SLC36A1: variants seen among roughly 807,000 people sequenced by gnomAD.
The protein encoded by SLC36A1 is proton-coupled amino acid transporter 1.
Under a neutral mutation model 47.5 loss-of-function variants are expected in SLC36A1, and 30 were observed. The ratio of observed to expected loss-of-function variants is 0.63; its 90% CI spans 0.47 to 0.86. SLC36A1 has a LOEUF of 0.86. Among genes scored for constraint, SLC36A1 ranks in the 40% least tolerant of loss-of-function variants. The pLI, the probability that SLC36A1 is intolerant of heterozygous loss-of-function variation, is 0.00. For missense variants in SLC36A1, 517 were observed against 606.0 expected, an observed-to-expected ratio of 0.85 and a Z score of 1.54; for synonymous variants, 255 against 249.7, an observed-to-expected ratio of 1.02 and a Z score of -0.20.
the SLC36A1 span, chr5:151,531,616 T>A: frequency 4.3e-6 from 7 of 1,613,022 alleles, no homozygotes; most frequent in Non-Finnish European, 5.9e-6. The surrounding 1 kb of genome is among the most constrained non-coding windows in gnomAD (Gnocchi z 5.7). Flanking sequence ...GAACCTGCCT[T>A]GCTCGTTCCC....
the SLC36A1 span, among the ~76,000 whole-genome samples, chr5:151,357,274 G>A: frequency 1.3e-5 from 2 of 152,218 alleles, no homozygotes; most frequent in East Asian, 1.9e-4. Flanking sequence ...TGTGATAATA[G>A]GTGGTAGGTA....
upstream of SLC36A1, among the ~76,000 whole-genome samples, chr5:151,434,033 C>T: frequency 6.6e-6 from 1 of 152,208 alleles, no homozygotes; most frequent in Non-Finnish European, 1.5e-5. Context: ...AGAATACCTC[C>T]AGCCCAGAAT....
At chr5:151,553,660 G>A in the SLC36A1 span, among the ~76,000 whole-genome samples, 1 of 152,208 alleles carries the variant, frequency 6.6e-6, no homozygotes, top group Non-Finnish European at 1.5e-5. Flanking sequence ...AAGACTTACT[G>A]TGTGCTACTT....
chr5:151,487,520 G>A (rs1398148661), intron 10 of SLC36A1, among the ~76,000 whole-genome samples: 3 of 152,174 alleles, frequency 2.0e-5, no homozygotes, highest in African/African-American at 4.8e-5. Flanking sequence ...TCCAGAAGGC[G>A]GGGTTTCTTT....
the SLC36A1 span, chr5:151,545,857 A>G: frequency 3.7e-6 from 6 of 1,614,256 alleles, no homozygotes; most frequent in African/African-American, 5.3e-5. Flanking sequence ...CTTTAAGAAC[A>G]TAGGAGCATT....
chr5:151,428,861 G>A, the SLC36A1 span, among the ~76,000 whole-genome samples: 2 of 152,224 alleles, frequency 1.3e-5, no homozygotes, highest in African/African-American at 4.8e-5. Context: ...TCGAACTCCT[G>A]ACTTCAGGTG....
chr5:151,467,377 C>A, intron 6 of SLC36A1, 94 bp downstream of exon 6: 1 of 848,554 alleles, frequency 1.2e-6, no homozygotes, highest in Non-Finnish European at 1.9e-6. Flanking sequence ...TTTTCCAAAT[C>A]AGCTTTTGTC....
At chr5:151,537,438 G>T in the SLC36A1 span, among the ~76,000 whole-genome samples, 83 of 88,064 alleles carry the variant, frequency 9.4e-4, 1 homozygote, top group Non-Finnish European at 1.3e-4. Context: ...GAGAGGAAAG[G>T]AGAGGGGAGG....
At chr5:151,390,330 C>A in the SLC36A1 span, among the ~76,000 whole-genome samples, 1 of 152,276 alleles carries the variant, frequency 6.6e-6, no homozygotes, top group South Asian at 2.1e-4. Flanking sequence ...GAGTAGATTG[C>A]AAAATTTTTC....
intron 1 of SLC36A1, among the ~76,000 whole-genome samples, chr5:151,452,858 A>G (rs1252030789): frequency 2.3e-5 from 3 of 131,308 alleles, no homozygotes; most frequent in Non-Finnish European, 3.2e-5. Context: ...CAACAGAGGG[A>G]GACACCATCT....
At chr5:151,526,088 T>C in the SLC36A1 span, 1 of 931,098 alleles carries the variant, frequency 1.1e-6, no homozygotes, top group Non-Finnish European at 1.7e-6. Context: ...AGATGGTGCC[T>C]GGACATCAAG....
the SLC36A1 span, among the ~76,000 whole-genome samples, chr5:151,385,478 G>C: frequency 2.6e-5 from 4 of 152,200 alleles, no homozygotes; most frequent in African/African-American, 9.6e-5. Context: ...AAATGCCTTA[G>C]AGGGCTTCCA....
the SLC36A1 span, among the ~76,000 whole-genome samples, chr5:151,416,000 G>A: frequency 6.6e-6 from 1 of 152,302 alleles, no homozygotes; most frequent in Non-Finnish European, 1.5e-5. Context: ...CCAGCTACTG[G>A]GGAGCTGACG....
At chr5:151,345,200 G>T in the SLC36A1 span, among the ~76,000 whole-genome samples, 4 of 152,208 alleles carry the variant, frequency 2.6e-5, no homozygotes, top group African/African-American at 9.7e-5. Flanking sequence ...CGAGCATGGG[G>T]TTTACACGTG....
the SLC36A1 span, chr5:151,512,220 G>T: frequency 6.2e-7 from 1 of 1,614,224 alleles, no homozygotes; most frequent in Non-Finnish European, 8.5e-7. The surrounding 1 kb of genome is among the most constrained non-coding windows in gnomAD (Gnocchi z 4.1). Context: ...TCTGGCTGCA[G>T]TAGTCACTGT....
the SLC36A1 span, among the ~76,000 whole-genome samples, chr5:151,550,073 C>T: frequency 1.8e-4 from 27 of 152,136 alleles, no homozygotes; most frequent in African/African-American, 6.5e-4. Context: ...TAAGATGAGA[C>T]AAATGGGCAG....
the SLC36A1 span, among the ~76,000 whole-genome samples, chr5:151,372,085 C>G: frequency 6.6e-6 from 1 of 152,168 alleles, no homozygotes; most frequent in Non-Finnish European, 1.5e-5. Flanking sequence ...AAATTCAACT[C>G]TAAAATCTTA....
At chr5:151,521,865 C>T in the SLC36A1 span, 1 of 1,614,186 alleles carries the variant, frequency 6.2e-7, no homozygotes, top group Middle Eastern at 1.7e-4. Context: ...CTGAGAAGTG[C>T]CTGCCCAGGG....
At chr5:151,479,246 A>G (rs374829266) in intron 9 of SLC36A1, 74 bp from the exon 10 acceptor site, 3 of 1,500,146 alleles carry the variant, frequency 2.0e-6, no homozygotes. Context: ...TCGCAATGGG[A>G]CCATTTTGCA....
Sources: gnomAD v4.1 joint callset for allele counts (sites outside exome capture counted in the v4.1 genomes callset) on GRCh38, gnomAD v4.1.1 for gene constraint, Gnocchi (gnomAD v3.1) non-coding constraint, MANE v1.5 for transcripts, NCBI Gene and HGNC (gene_info 2026-07-23, HGNC 2026-07-21) for gene names.